The following IQSEC1 variants were observed in gnomAD, a reference collection of about 807,000 sequenced individuals.
The protein encoded by IQSEC1 is IQ motif and Sec7 domain ArfGEF 1, also known as IQ motif and SEC7 domain-containing protein 1.
Under a neutral mutation model 91.0 loss-of-function variants are expected in IQSEC1, and 31 were observed. That is an observed-to-expected ratio of 0.34 (90% CI 0.26 to 0.46). The LOEUF (loss-of-function observed/expected upper bound fraction) is 0.46, where lower values mean the gene tolerates loss of function less well. Among genes scored for constraint, IQSEC1 ranks in the 20% least tolerant of loss-of-function variants. The probability of loss-of-function intolerance (pLI) is 1.00; values close to 1 mark genes in which losing one functional copy is unlikely to be tolerated. For synonymous variants in IQSEC1, 699 were observed against 662.6 expected, an observed-to-expected ratio of 1.05 and a Z score of -0.84; for missense variants, 1,388 against 1,575.6, an observed-to-expected ratio of 0.88 and a Z score of 2.02.
chr3:13,273,440 T>C (rs1695621598), intron 1 of IQSEC1, among the ~76,000 whole-genome samples: 1 of 152,216 alleles, frequency 6.6e-6, no homozygotes, highest in African/African-American at 2.4e-5. Context: ...TTTCAAGAAC[T>C]CCCCATTCCA....
intron 1 of IQSEC1, among the ~76,000 whole-genome samples, chr3:12,975,848 T>C (rs1169756317): frequency 1.3e-5 from 2 of 152,222 alleles, no homozygotes; most frequent in Non-Finnish European, 2.9e-5. Flanking sequence ...TACAACACTA[T>C]TCCATCTGAC....
intron 1 of IQSEC1, among the ~76,000 whole-genome samples, chr3:13,194,110 G>C (rs980596825): frequency 6.6e-6 from 1 of 152,130 alleles, no homozygotes. Flanking sequence ...TTGGATTAGG[G>C]CCACCACCAC....
chr3:13,038,262 G>GTGTATATATATATA (rs1491471643), intron 1 of IQSEC1, among the ~76,000 whole-genome samples: 88 of 101,182 alleles, frequency 8.7e-4, no homozygotes, highest in South Asian at 1.3e-3. Context: ...GTGTGTGTGT[G>GTGTATATATATATA]TATATATATA....
intron 5 of IQSEC1, among the ~76,000 whole-genome samples, chr3:12,921,487 G>C (rs1001912097): frequency 1.3e-5 from 2 of 152,252 alleles, no homozygotes; most frequent in African/African-American, 4.8e-5. Flanking sequence ...ATGGATGACT[G>C]CGTAGTGACC....
In IQSEC1 at chr3:12,898,188, A is replaced by C. The variant is rs1487264181; in HGVS notation, c.*2795T>G. The C allele has an allele frequency of 1.3e-5, 2 of 152,258 alleles. No individual in the cohort carries two copies. Among genetic ancestry groups the C allele is most frequent in the Non-Finnish European group, 2.9e-5 (2 of 68,054 alleles). The allele number at this position is 152,258 out of a possible 1,614,324, so 9.4% of individuals were successfully genotyped here. A position where few individuals can be genotyped will look rare whatever the true frequency, so the allele number is the denominator to read the frequency against. On this transcript the variant is annotated 3_prime_UTR_variant, in exon 14 of 14. Coordinates refer to ENST00000613206, the MANE Select transcript of IQSEC1 (RefSeq NM_001134382.3). ...ACAGGACCCCGAAGCTGTGGCTCTG[A>C]CAGGTGGGATCTCTAAAGGGGACAG... is the stretch of plus-strand genomic sequence containing the variant.
chr3:12,985,060 G>T (rs1002056852), intron 1 of IQSEC1, among the ~76,000 whole-genome samples: 1 of 152,030 alleles, frequency 6.6e-6, no homozygotes, highest in Non-Finnish European at 1.5e-5. Flanking sequence ...TCCTGACCTC[G>T]TGATCCGCCC....
chr3:12,939,783 A>G (rs1698583900), intron 2 of IQSEC1, among the ~76,000 whole-genome samples: 1 of 152,204 alleles, frequency 6.6e-6, no homozygotes, highest in East Asian at 1.9e-4. Flanking sequence ...GCCTTACCCA[A>G]TGCTATTGCC....
intron 1 of IQSEC1, among the ~76,000 whole-genome samples, chr3:12,961,328 C>T (rs548571326): frequency 1.3e-5 from 2 of 152,338 alleles, no homozygotes; most frequent in South Asian, 4.1e-4. Context: ...ATGGTGCAGG[C>T]CATTTGCCCA....
rs1693770590 is a variant in IQSEC1, at chr3:12,897,595, G to A, written c.*3388C>T. ...CAGCACCCCCACCTCACCCTGCTCA[G>A]TGTTGCAATGCTGCCTTGACTATTG... On this transcript the variant is annotated 3_prime_UTR_variant, in exon 14 of 14. Transcript: ENST00000613206. 6.6e-6 allele frequency: 1 copy of A among 152,202 alleles called. No homozygotes were observed. Among genetic ancestry groups the A allele is most frequent in the South Asian group, 2.1e-4 (1 of 4,826 alleles). The allele number at this position is 152,202 out of a possible 1,614,324, so 9.4% of individuals were successfully genotyped here.
chr3:13,138,355 G>A (rs770468512), intron 2 of IQSEC1, among the ~76,000 whole-genome samples: 2 of 151,926 alleles, frequency 1.3e-5, no homozygotes, highest in African/African-American at 2.4e-5. Context: ...TAGGTGTCTC[G>A]GTGCCTCCCG....
chr3:13,086,400 G>A (rs965941876), intron 2 of IQSEC1, among the ~76,000 whole-genome samples: 1 of 152,212 alleles, frequency 6.6e-6, no homozygotes, highest in Non-Finnish European at 1.5e-5. Context: ...CTCCATGCTG[G>A]TTCAGCGCTG....
At chr3:13,000,514 G>C (rs546734192) in intron 1 of IQSEC1, among the ~76,000 whole-genome samples, 1 of 152,334 alleles carries the variant, frequency 6.6e-6, no homozygotes, top group African/African-American at 2.4e-5. Context: ...CTGTTCTGTG[G>C]TCATCAGCTA....
chr3:12,992,455 C>T lies in IQSEC1; in HGVS notation c.24-50590G>A, dbSNP rs1702033801. On this transcript the variant is annotated intron_variant, in intron 1 of 13. Transcript: ENST00000613206. This position sits in a 1 kb window ranked among gnomAD's most constrained non-coding sequence, Gnocchi z 4.1. ...TTCAGCAGCCTGGCCATCTTGCCAA[C>T]TGTAATGAGGAGGTGGGCATCATAC... is the stretch of plus-strand genomic sequence containing the variant. Among the ~76,000 whole-genome samples the T allele has an allele frequency of 1.3e-5, 2 of 152,186 alleles. No individual in the cohort carries two copies. The highest frequency in any genetic ancestry group is 4.1e-4 in the South Asian group (2 of 4,834).
intron 1 of IQSEC1, 90 bp from the exon 2 acceptor site, chr3:12,941,955 G>C: frequency 2.4e-6 from 3 of 1,230,356 alleles, no homozygotes; most frequent in Non-Finnish European, 3.3e-6. Context: ...CCATGCTCCT[G>C]GAGGAGCCCC....
At chr3:13,055,754 C>T (rs1704852857) in intron 1 of IQSEC1, among the ~76,000 whole-genome samples, 1 of 152,216 alleles carries the variant, frequency 6.6e-6, no homozygotes, top group Non-Finnish European at 1.5e-5. Flanking sequence ...GATCACTGGG[C>T]CAAGGTCACA....
chr3:13,099,535 C>T (rs1179653229), intron 2 of IQSEC1, among the ~76,000 whole-genome samples: 1 of 152,148 alleles, frequency 6.6e-6, no homozygotes, highest in Admixed American at 6.5e-5. Context: ...GAAGCGCCCA[C>T]CTCACTCAGG....
intron 1 of IQSEC1, among the ~76,000 whole-genome samples, chr3:12,974,323 T>C (rs1701052158): frequency 6.6e-6 from 1 of 152,184 alleles, no homozygotes; most frequent in Non-Finnish European, 1.5e-5. Context: ...CGGTGACCAA[T>C]GTAACCCCTG....
rs1694217617 is a variant in IQSEC1, at chr3:12,901,054, C to G, written c.3274G>C (p.Gly1092Arg). Residue 1092 changes from glycine (G) to arginine (R), a missense_variant, in exon 14 of 14, where the codon GGG (glycine) becomes CGG (arginine). By Grantham distance (125) the Gly-to-Arg change is moderately radical (BLOSUM62 -2). Transcript: ENST00000613206. ...GGGGGCGGCGGGGCAGGGGGCTGCC[C>G]ATGGTGGTGCACTGTGTGCCCCACG... is the stretch of plus-strand genomic sequence containing the variant. Reference protein sequence around the residue: ...AHVGHTVHHHGQPPAPPPPTS... With the variant: ...AHVGHTVHHHRQPPAPPPPTS... The G allele has an allele frequency of 6.5e-7, 1 of 1,541,816 alleles. No homozygotes were observed. The highest frequency in any genetic ancestry group is 2.0e-5 in the Admixed American group (1 of 50,898).
upstream of IQSEC1, among the ~76,000 whole-genome samples, chr3:13,076,989 A>G (rs4684905): frequency 0.43 from 64,079 of 150,206 alleles, 13,861 homozygotes; most frequent in East Asian, 0.6. Context: ...TATTACATAG[A>G]CCCTAAAAAA....
Sources: gnomAD v4.1 joint callset for allele counts (sites outside exome capture counted in the v4.1 genomes callset) on GRCh38, gnomAD v4.1.1 for gene constraint, Gnocchi (gnomAD v3.1) non-coding constraint, MANE v1.5 for transcripts, NCBI Gene and HGNC (gene_info 2026-07-23, HGNC 2026-07-21) for gene names.